DPP6: variants seen among roughly 807,000 people sequenced by gnomAD.
DPP6 encodes dipeptidyl peptidase like 6.
A neutral mutation model predicts 122.6 loss-of-function variants in DPP6; 69 were observed. The observed-to-expected ratio is 0.56, with a 90% CI of 0.46 to 0.69. The LOEUF (loss-of-function observed/expected upper bound fraction) is 0.69. Among genes scored for constraint, DPP6 ranks in the 30% least tolerant of loss-of-function variants. The probability of loss-of-function intolerance (pLI) is 0.00; values close to 1 mark genes in which losing one functional copy is unlikely to be tolerated. For missense variants in DPP6, 928 were observed against 1,116.9 expected, an observed-to-expected ratio of 0.83 and a Z score of 2.41; for synonymous variants, 418 against 433.1, an observed-to-expected ratio of 0.97 and a Z score of 0.43.
At chr7:154,354,193 A>G (rs1811095505) in intron 1 of DPP6, among the ~76,000 whole-genome samples, 1 of 152,204 alleles carries the variant, frequency 6.6e-6, no homozygotes, top group Admixed American at 6.5e-5. Context: ...TTCCCTATCC[A>G]ACCACTAGAC....
rs1014064606 is a variant in DPP6 at position 154,795,905 on chromosome 7, C to G, written c.1299+22C>G. On this transcript the variant is annotated intron_variant, in intron 12 of 25. Transcript: ENST00000377770. ...ACAGGTAACTACTGCATGTCCGGGT[C>G]CCCACTGTCACCTCCACCTGATCCA... 1.9e-6 allele frequency: 3 copies of G among 1,605,326 alleles called. No homozygotes were observed. In the Admixed American group the frequency reaches 5.1e-5, roughly 27 times the overall value.
upstream of DPP6, among the ~76,000 whole-genome samples, chr7:153,886,112 T>TACACAC (rs60245538): frequency 0.039 from 5,506 of 140,344 alleles, 157 homozygotes; most frequent in Middle Eastern, 0.076. Context: ...GGCACGCCCT[T>TACACAC]ACACACACAC....
At chr7:154,608,320 CATATATATAT>C (rs35662023) in intron 5 of DPP6, among the ~76,000 whole-genome samples, 9 of 90,014 alleles carry the variant, frequency 1.0e-4, no homozygotes, top group East Asian at 5.6e-4. Flanking sequence ...TAGGAGTGAT[CATATATATAT>C]ATATATATAT....
chr7:154,212,966 T>C (rs1444460430), intron 1 of DPP6, among the ~76,000 whole-genome samples: 3 of 152,166 alleles, frequency 2.0e-5, no homozygotes, highest in Non-Finnish European at 4.4e-5. Context: ...GAAGGCATTC[T>C]ACAAAAATGC....
intron 1 of DPP6, among the ~76,000 whole-genome samples, chr7:154,378,862 G>A (rs879132828): frequency 4.6e-5 from 7 of 152,300 alleles, no homozygotes; most frequent in African/African-American, 1.7e-4. Flanking sequence ...GAGAGCGAGT[G>A]AGGGGAAACT....
At chr7:154,031,988 A>C (rs1585204352) in intron 1 of DPP6, among the ~76,000 whole-genome samples, 1 of 147,332 alleles carries the variant, frequency 6.8e-6, no homozygotes, top group South Asian at 2.1e-4. Context: ...CAGCCTCCCG[A>C]GTAGCTGGGA....
At chr7:154,049,858 T>A (rs1800209895), upstream of DPP6, among the ~76,000 whole-genome samples, 1 of 151,886 alleles carries the variant, frequency 6.6e-6, no homozygotes, top group East Asian at 1.9e-4. Context: ...GTGCTGGGAT[T>A]ACAGGCGTGA....
chr7:153,985,163 G>A (rs1219777180), intron 1 of DPP6, among the ~76,000 whole-genome samples: 1 of 152,244 alleles, frequency 6.6e-6, no homozygotes, highest in Non-Finnish European at 1.5e-5. Context: ...GGAGGTCCAT[G>A]TTTTAAGACT....
chr7:153,787,851 T>C, the DPP6 span, among the ~76,000 whole-genome samples: 1 of 139,082 alleles, frequency 7.2e-6, no homozygotes, highest in Non-Finnish European at 1.6e-5. Context: ...TTTTTTTTTT[T>C]CCTGTTGTGT....
intron 1 of DPP6, among the ~76,000 whole-genome samples, chr7:154,199,402 G>GGTTTCCACTATACC (rs1799048398): frequency 6.6e-6 from 1 of 152,090 alleles, no homozygotes; most frequent in African/African-American, 2.4e-5. Flanking sequence ...CTATTCCCTA[G>GGTTTCCACTATACC]TAACTAGGTA....
intron 8 of DPP6, among the ~76,000 whole-genome samples, chr7:154,756,212 C>T (rs1843658196): frequency 6.6e-6 from 1 of 152,146 alleles, no homozygotes; most frequent in African/African-American, 2.4e-5. Context: ...CTGAGATGTC[C>T]AGAGGCCTGG....
intron 5 of DPP6, among the ~76,000 whole-genome samples, chr7:154,595,832 G>A (rs926582838): frequency 5.9e-5 from 9 of 152,178 alleles, no homozygotes; most frequent in East Asian, 1.9e-4. Flanking sequence ...AGGCTGAGGC[G>A]GGCAGATCAC....
At chr7:154,435,742 A>G (rs527312223) in intron 1 of DPP6, among the ~76,000 whole-genome samples, 3 of 152,314 alleles carry the variant, frequency 2.0e-5, no homozygotes, top group East Asian at 1.9e-4. Context: ...TATGTGCACC[A>G]TTGATTTTGT....
chr7:154,530,585 G>A (rs114868591), intron 3 of DPP6, among the ~76,000 whole-genome samples: 11,069 of 152,178 alleles, frequency 0.073, 413 homozygotes, highest in Admixed American at 0.086. Flanking sequence ...ACAGTGTGGC[G>A]ATTCCTCAAG....
chr7:153,922,046 A>G (rs1800663469), intron 1 of DPP6, among the ~76,000 whole-genome samples: 1 of 152,204 alleles, frequency 6.6e-6, no homozygotes, highest in Non-Finnish European at 1.5e-5. Flanking sequence ...ACCCAAGGGC[A>G]CTATTGATCT....
intron 16 of DPP6, among the ~76,000 whole-genome samples, chr7:154,826,083 C>T (rs1800124499): frequency 6.6e-6 from 1 of 152,190 alleles, no homozygotes; most frequent in Non-Finnish European, 1.5e-5. Context: ...ATGATCATTA[C>T]AAGAATGGGA....
chr7:154,609,596 C>T (rs4270914), intron 5 of DPP6, among the ~76,000 whole-genome samples: 61,492 of 152,098 alleles, frequency 0.4, 13,444 homozygotes, highest in East Asian at 0.65. Context: ...CACATGCACA[C>T]ACATATACTT....
intron 1 of DPP6, among the ~76,000 whole-genome samples, chr7:153,958,551 G>C (rs1376726017): frequency 6.6e-6 from 1 of 152,124 alleles, no homozygotes; most frequent in African/African-American, 2.4e-5. Flanking sequence ...CTTGCAGGTC[G>C]AGCCAAGAGC....
the DPP6 span, among the ~76,000 whole-genome samples, chr7:153,795,056 T>C: frequency 6.6e-6 from 1 of 152,196 alleles, no homozygotes; most frequent in Non-Finnish European, 1.5e-5. Context: ...TGGAAGAGAC[T>C]CAAGCAGGCA....
Sources: allele counts gnomAD v4.1 joint callset (sites outside exome capture counted in the v4.1 genomes callset), GRCh38; gene constraint gnomAD v4.1.1; transcripts MANE v1.5; gene names NCBI Gene and HGNC (gene_info 2026-07-23, HGNC 2026-07-21).